Variants in CEP112 observed in about 807,000 individuals in gnomAD.
CEP112 encodes the protein centrosomal protein of 112 kDa.
In CEP112, 127 loss-of-function variants were observed where a neutral mutation model predicts 153.0. That is an observed-to-expected ratio of 0.83 (90% confidence interval 0.72 to 0.96). The LOEUF is 0.96. Among genes scored for constraint, CEP112 ranks in the 40% least tolerant of loss-of-function variants. The pLI is 0.00. For missense variants in CEP112, 1,089 were observed against 1,101.2 expected, an observed-to-expected ratio of 0.99 and a Z score of 0.16; for synonymous variants, 358 against 374.4, an observed-to-expected ratio of 0.96 and a Z score of 0.51.
In CEP112 at chr17:66,188,612, A is replaced by G. The variant is rs577583867; in HGVS notation, c.-9+3385T>C. ...TTTTTTTTTTTTTACACATCTGTGT[A>G]TTATTATGCATACATCTTCCATTAT... On this transcript the variant is annotated intron_variant, in intron 1 of 26. Transcript: ENST00000535342. Among the ~76,000 whole-genome samples the G allele has an allele frequency of 4.6e-3, 683 of 148,380 alleles. 2 individuals carry two copies. The highest frequency in any genetic ancestry group is 5.2e-3 in the Non-Finnish European group (349 of 67,594).
chr17:66,183,259 T>C lies in CEP112; in HGVS notation c.41A>G (p.Asp14Gly), dbSNP rs766341062. ...GSEEEKWEKL[D>G]AEFDHFVVDM... ...AACCACAAAGTGATCAAATTCTGCA[T>C]CCAGCTTCTCCCATTTTTCTTCTTC... is the stretch of plus-strand genomic sequence containing the variant. The change falls in exon 2 of 27, where the codon GAT becomes GGT. Residue 14 changes from aspartate to glycine, a missense_variant. By Grantham distance (94) the Asp-to-Gly change is moderately conservative. Transcript: ENST00000535342. 6.2e-7 allele frequency: 1 copy of C among 1,612,918 alleles called. No individual in the cohort carries two copies. The highest frequency in any genetic ancestry group is 2.2e-5 in the East Asian group (1 of 44,790).
At chr17:66,041,092 G>A (rs1021419002) in intron 12 of CEP112, among the ~76,000 whole-genome samples, 4 of 27,938 alleles carry the variant, frequency 1.4e-4, no homozygotes, top group African/African-American at 3.2e-4. Context: ...ACAGTAAATG[G>A]CTTGGTAAAA....
intron 20 of CEP112, among the ~76,000 whole-genome samples, chr17:65,890,687 T>G (rs982554238): frequency 1.3e-5 from 2 of 152,112 alleles, no homozygotes; most frequent in African/African-American, 4.8e-5. Context: ...GACAGGCAGG[T>G]GTACAGTCAA....
chr17:65,846,718 G>A (rs532752318), intron 21 of CEP112, among the ~76,000 whole-genome samples: 23 of 152,244 alleles, frequency 1.5e-4, no homozygotes, highest in Middle Eastern at 3.4e-3. Context: ...ACAGGCGCCC[G>A]CCACCACACC....
At chr17:65,692,224 A>ATTT (rs35586515) in intron 23 of CEP112, among the ~76,000 whole-genome samples, 13 of 126,862 alleles carry the variant, frequency 1.0e-4, no homozygotes, top group Non-Finnish European at 1.5e-4. Context: ...CTGCACTGGA[A>ATTT]TTTTTTTTTT....
At chr17:66,016,250 C>T (rs1368616749) in intron 16 of CEP112, among the ~76,000 whole-genome samples, 2 of 152,120 alleles carry the variant, frequency 1.3e-5, no homozygotes, top group Admixed American at 6.5e-5. Context: ...CATTCCTTTC[C>T]TCTACAATGC....
intron 24 of CEP112, among the ~76,000 whole-genome samples, chr17:65,681,911 C>T (rs746782526): frequency 2.0e-5 from 3 of 151,958 alleles, no homozygotes; most frequent in Non-Finnish European, 4.4e-5. Context: ...AACTCCTGGG[C>T]TCAAGCAGCC....
At position 65,851,968 on chromosome 17, in the gene CEP112, G is replaced by T; in HGVS notation, c.2230C>A (p.Arg744=). The T allele has an allele frequency of 1.2e-6, 2 of 1,613,970 alleles. No homozygotes were observed. Among genetic ancestry groups the T allele is most frequent in the African/African-American group, 1.3e-5 (1 of 75,018 alleles). Residue 744 remains arginine, a synonymous_variant, in exon 21 of 27, where the codon CGG becomes AGG. Coordinates refer to ENST00000535342, the MANE Select transcript of CEP112 (RefSeq NM_001199165.4). ...REELINVNSQ[R]KQQLVELGLL... Reference sequence around the variant, plus strand: ...CCAAGCTCTACCAGCTGCTGTTTCCGCTGTGAGTTCACATTGATCAATTCT... The same window carrying T: ...CCAAGCTCTACCAGCTGCTGTTTCCTCTGTGAGTTCACATTGATCAATTCT...
At chr17:65,949,557 G>GTTGGAT (rs2061752487) in intron 18 of CEP112, among the ~76,000 whole-genome samples, 1 of 152,124 alleles carries the variant, frequency 6.6e-6, no homozygotes, top group African/African-American at 2.4e-5. Flanking sequence ...TGGGTTCTTC[G>GTTGGAT]CTGGATCATT....
chr17:65,885,569 A>G (rs1405826792), intron 20 of CEP112, among the ~76,000 whole-genome samples: 1 of 152,260 alleles, frequency 6.6e-6, no homozygotes, highest in African/African-American at 2.4e-5. Context: ...CTGCAAGAAG[A>G]ATATGTAATA....
intron 20 of CEP112, among the ~76,000 whole-genome samples, chr17:65,866,721 C>G (rs568708773): frequency 5.3e-5 from 8 of 152,176 alleles, no homozygotes; most frequent in African/African-American, 1.9e-4. Context: ...CTGCTGAGAG[C>G]TGAACACTCA....
intron 20 of CEP112, among the ~76,000 whole-genome samples, chr17:65,894,481 T>C (rs1294411305): frequency 6.6e-6 from 1 of 152,070 alleles, no homozygotes; most frequent in Non-Finnish European, 1.5e-5. Context: ...TGCAATAGGA[T>C]CCTCATTCAG....
chr17:66,005,540 T>C, intron 17 of CEP112, 150 bp downstream of exon 17: 1 of 938,998 alleles, frequency 1.1e-6, no homozygotes, highest in Non-Finnish European at 1.5e-6. Context: ...AATAAAATCT[T>C]GAAGATAGAG....
At chr17:65,672,072 G>T (rs1031669320) in intron 24 of CEP112, among the ~76,000 whole-genome samples, 1 of 152,152 alleles carries the variant, frequency 6.6e-6, no homozygotes, top group Non-Finnish European at 1.5e-5. Context: ...AAGATCATTA[G>T]AAGTAATGTT....
At chr17:66,089,864 G>C (rs1226506533) in intron 8 of CEP112, among the ~76,000 whole-genome samples, 2 of 152,074 alleles carry the variant, frequency 1.3e-5, no homozygotes, top group Admixed American at 6.6e-5. Context: ...ATTCAAGCAA[G>C]ACTATACCAA....
At chr17:65,675,725 A>G (rs1567847483) in intron 24 of CEP112, among the ~76,000 whole-genome samples, 2 of 151,948 alleles carry the variant, frequency 1.3e-5, no homozygotes, top group South Asian at 2.1e-4. Flanking sequence ...ACAGGTTAAA[A>G]AAAAGGGATA....
At chr17:65,809,894 T>C (rs2145897823) in intron 21 of CEP112, among the ~76,000 whole-genome samples, 1 of 151,436 alleles carries the variant, frequency 6.6e-6, no homozygotes, top group East Asian at 1.9e-4. Flanking sequence ...GGAGATGGAG[T>C]AGGAGCAGCT....
intron 2 of CEP112, among the ~76,000 whole-genome samples, chr17:66,178,991 G>T (rs2072605767): frequency 1.3e-5 from 2 of 152,098 alleles, no homozygotes; most frequent in Non-Finnish European, 2.9e-5. Flanking sequence ...TGTCAAAAAT[G>T]AAATTCCTGT....
chr17:65,805,300 T>C (rs1483889598), intron 21 of CEP112, among the ~76,000 whole-genome samples: 1 of 152,212 alleles, frequency 6.6e-6, no homozygotes, highest in Non-Finnish European at 1.5e-5. Context: ...GTGTGTATTA[T>C]TTAGGAGCTG....
Sources: allele counts gnomAD v4.1 joint callset (sites outside exome capture counted in the v4.1 genomes callset), GRCh38; gene constraint gnomAD v4.1.1; transcripts MANE v1.5; gene names NCBI Gene and HGNC (gene_info 2026-07-23, HGNC 2026-07-21).